The following PADI4 variants were observed in gnomAD, a reference collection of about 807,000 sequenced individuals.
PADI4 encodes protein-arginine deiminase type-4.
In PADI4, 62 loss-of-function variants were observed where a neutral mutation model predicts 75.0. The observed-to-expected ratio is 0.83, with a 90% CI of 0.67 to 1.02. PADI4 has a LOEUF of 1.02. Ranked by LOEUF, PADI4 falls within the 50% of genes least tolerant of loss-of-function variation. The pLI is 0.00. For synonymous variants in PADI4, 361 were observed against 348.1 expected, an observed-to-expected ratio of 1.04 and a Z score of -0.41; for missense variants, 845 against 850.5, an observed-to-expected ratio of 0.99 and a Z score of 0.08.
At chr1:17,334,436 G>A in intron 3 of PADI4, 1 of 457,120 alleles carries the variant, frequency 2.2e-6, no homozygotes, top group Non-Finnish European at 4.5e-6. Context: ...CCTAGTAGCT[G>A]GGACTACAGG....
intron 1 of PADI4, among the ~76,000 whole-genome samples, chr1:17,313,275 A>G (rs12124732): frequency 0.053 from 7,978 of 151,816 alleles, 253 homozygotes; most frequent in African/African-American, 0.07. Flanking sequence ...TGAAGTGGGC[A>G]GATCACTTGA....
chr1:17,355,714 T>A (rs2100245286), intron 11 of PADI4, among the ~76,000 whole-genome samples: 1 of 152,300 alleles, frequency 6.6e-6, no homozygotes, highest in South Asian at 2.1e-4. Context: ...AATACCAGCA[T>A]CTCATCTAAC....
intron 1 of PADI4, among the ~76,000 whole-genome samples, chr1:17,312,652 CAT>C (rs1379914261): frequency 3.9e-5 from 6 of 152,058 alleles, no homozygotes; most frequent in Admixed American, 6.6e-5. Context: ...AAATGATAAA[CAT>C]AGAGCAAGGG....
At chr1:17,360,325 T>A (rs1635562) in intron 15 of PADI4, among the ~76,000 whole-genome samples, 36,059 of 151,696 alleles carry the variant, frequency 0.24, 4,412 homozygotes, top group Middle Eastern at 0.35. Flanking sequence ...CATCTTGAGC[T>A]AGTGAAGACC....
At chr1:17,353,387 T>A (rs1284082130) in intron 10 of PADI4, among the ~76,000 whole-genome samples, 1 of 152,046 alleles carries the variant, frequency 6.6e-6, no homozygotes, top group Non-Finnish European at 1.5e-5. Context: ...CCGTGATCCT[T>A]TGAGCCCAGG....
chr1:17,325,546 C>T (rs1015241384), intron 1 of PADI4, among the ~76,000 whole-genome samples: 1 of 151,932 alleles, frequency 6.6e-6, no homozygotes, highest in African/African-American at 2.4e-5. Flanking sequence ...TTAATTCACT[C>T]TTTTGGAGTT....
At chr1:17,326,652 T>TA (rs2074121159) in intron 1 of PADI4, among the ~76,000 whole-genome samples, 1 of 152,226 alleles carries the variant, frequency 6.6e-6, no homozygotes, top group African/African-American at 2.4e-5. Flanking sequence ...GTCACTTTTT[T>TA]AAATGACCCA....
At chr1:17,311,329 C>T (rs943537093) in intron 1 of PADI4, among the ~76,000 whole-genome samples, 3 of 151,976 alleles carry the variant, frequency 2.0e-5, no homozygotes, top group Non-Finnish European at 4.4e-5. Flanking sequence ...TGCTTCGCAG[C>T]CCACCCTGCC....
At chr1:17,343,951 A>G (rs756882054) in intron 8 of PADI4, among the ~76,000 whole-genome samples, 3 of 152,182 alleles carry the variant, frequency 2.0e-5, no homozygotes, top group Non-Finnish European at 4.4e-5. Flanking sequence ...TGTGGAAGCA[A>G]CTTTGGAACT....
At chr1:17,347,514 C>T (rs1031273543) in intron 9 of PADI4, among the ~76,000 whole-genome samples, 2 of 152,114 alleles carry the variant, frequency 1.3e-5, no homozygotes, top group African/African-American at 4.8e-5. Flanking sequence ...CGAGCTCTGG[C>T]GCCAACAGGT....
At chr1:17,319,319 A>G (rs1305883158) in intron 1 of PADI4, among the ~76,000 whole-genome samples, 1 of 152,144 alleles carries the variant, frequency 6.6e-6, no homozygotes, top group Non-Finnish European at 1.5e-5. Context: ...TAATCCCAGC[A>G]CTTTGGAAGG....
rs1257665907 is a variant in PADI4 at position 17,358,300 on chromosome 1, G to A, written c.1559-538G>A. On this transcript the variant is annotated intron_variant, in intron 13 of 15. Coordinates refer to ENST00000375448, the MANE Select transcript of PADI4 (RefSeq NM_012387.3). ...AATATATTTTAGGCCGGGCGCGGTG[G>A]CTCACGCCTGTAATCCCAGCACTTT... Among the ~76,000 whole-genome samples the A allele has an allele frequency of 3.1e-5, 2 of 64,414 alleles. 1 individual carries two copies. Among genetic ancestry groups the A allele is most frequent in the Non-Finnish European group, 5.8e-5 (2 of 34,236 alleles). 42.3% of individuals were successfully genotyped at this position (64,414 alleles called of 152,430 possible). A position where few individuals can be genotyped will look rare whatever the true frequency, so the allele number is the denominator to read the frequency against.
At chr1:17,323,727 G>C (rs2074071208) in intron 1 of PADI4, among the ~76,000 whole-genome samples, 1 of 152,004 alleles carries the variant, frequency 6.6e-6, no homozygotes, top group East Asian at 1.9e-4. Flanking sequence ...TGGCTACTTG[G>C]GAGGCTGAGA....
chr1:17,358,659 C>T (rs1165355102), intron 13 of PADI4, among the ~76,000 whole-genome samples, 179 bp from the exon 14 acceptor site: 1 of 151,940 alleles, frequency 6.6e-6, no homozygotes, highest in Non-Finnish European at 1.5e-5. Context: ...ACTTATACTG[C>T]TAAAATATTG....
chr1:17,351,709 G>A (rs1330657758), intron 10 of PADI4, among the ~76,000 whole-genome samples: 1 of 152,102 alleles, frequency 6.6e-6, no homozygotes, highest in African/African-American at 2.4e-5. Flanking sequence ...TGAGGGAGGT[G>A]AGCGAGTTGG....
chr1:17,330,878 T>C, intron 1 of PADI4, 91 bp from the exon 2 acceptor site: 8 of 816,804 alleles, frequency 9.8e-6, no homozygotes, highest in Non-Finnish European at 1.5e-5. Flanking sequence ...CACCTAATAT[T>C]AACCATCACA....
rs759810487 is a variant in PADI4, at chr1:17,334,022, C to T, written c.340+13C>T. 1 of 1,580,418 alleles carries T rather than the reference C, an allele frequency of 6.3e-7. No homozygotes were observed. On this transcript the variant is annotated intron_variant, in intron 3 of 15. Transcript: ENST00000375448. ...CTCACCGGGGTGGGTAAGTGACAAC[C>T]AGGATCCTAGAGTGCCGTCTCATCC...
chr1:17,330,432 A>G (rs546521160), intron 1 of PADI4, among the ~76,000 whole-genome samples: 1 of 152,304 alleles, frequency 6.6e-6, no homozygotes, highest in East Asian at 1.9e-4. Context: ...GCAAAGTCCC[A>G]CGATCTGCAA....
At chr1:17,330,366 G>GGT (rs1157623017) in intron 1 of PADI4, among the ~76,000 whole-genome samples, 9 of 151,950 alleles carry the variant, frequency 5.9e-5, no homozygotes, top group East Asian at 1.9e-4. Context: ...AGAATAATAG[G>GGT]GTGTGTGTGT....
Sources: allele counts gnomAD v4.1 joint callset (sites outside exome capture counted in the v4.1 genomes callset), GRCh38; gene constraint gnomAD v4.1.1; transcripts MANE v1.5; gene names NCBI Gene and HGNC (gene_info 2026-07-23, HGNC 2026-07-21).